The following KANK3 variants were observed in gnomAD, a reference collection of about 807,000 sequenced individuals.
The protein encoded by KANK3 is KN motif and ankyrin repeat domains 3, also known as KN motif and ankyrin repeat domain-containing protein 3.
In KANK3, 61 loss-of-function variants were observed where a neutral mutation model predicts 65.4. That is an observed-to-expected ratio of 0.93 (90% CI 0.76 to 1.15). The LOEUF (loss-of-function observed/expected upper bound fraction) is 1.15. KANK3 is among the 50% of genes most tolerant of loss of function. The pLI, the probability that KANK3 is intolerant of heterozygous loss-of-function variation, is 0.00. For missense variants in KANK3, 1,187 were observed against 1,178.8 expected, an observed-to-expected ratio of 1.01 and a Z score of -0.10; for synonymous variants, 586 against 543.3, an observed-to-expected ratio of 1.08 and a Z score of -1.09.
intron 1 of KANK3, among the ~76,000 whole-genome samples, chr19:8,339,582 A>G (rs1469421753): frequency 6.6e-6 from 1 of 151,620 alleles, no homozygotes; most frequent in Non-Finnish European, 1.5e-5. Context: ...CTGGTCTCGA[A>G]CTCCTGACCT....
Position 8,324,972 on chromosome 19 carries a change from A to G in KANK3, c.2061T>C (p.Asp687=), listed in dbSNP as rs1243638102. The change falls in exon 8 of 11, where the codon GAT becomes GAC. Residue 687 remains aspartate (D), a synonymous_variant. Transcript: ENST00000330915. ...AVVQRLFCMG[D]VNAKASQTGQ... ...GCACCTGACTGGCCTTGGCATTGAC[A>G]TCACCCATGCAGAAGAGTCTCTGGA... The G allele has an allele frequency of 1.9e-6, 3 of 1,613,784 alleles. No individual in the cohort carries two copies. In the Admixed American group the frequency reaches 5.0e-5, roughly 27 times the overall value.
intron 7 of KANK3, among the ~76,000 whole-genome samples, chr19:8,327,769 G>A (rs1970454733): frequency 6.6e-6 from 1 of 152,174 alleles, no homozygotes; most frequent in African/African-American, 2.4e-5. Flanking sequence ...GAACAAAGCT[G>A]TCTGTAAAAA....
At chr19:8,342,572 G>C (rs1001545156) in intron 1 of KANK3, among the ~76,000 whole-genome samples, 1 of 152,048 alleles carries the variant, frequency 6.6e-6, no homozygotes, top group Admixed American at 6.6e-5. Flanking sequence ...AGTGGTGGGG[G>C]CCACGGCAGG....
At chr19:8,338,941 G>A (rs1206674105) in intron 1 of KANK3, among the ~76,000 whole-genome samples, 2 of 147,726 alleles carry the variant, frequency 1.4e-5, no homozygotes, top group African/African-American at 5.0e-5. Context: ...GGTCAGTTGT[G>A]AAACTCTTGC....
Position 8,337,795 on chromosome 19 carries a change from C to A in KANK3, c.34G>T (p.Asp12Tyr), listed in dbSNP as rs1187304829. Residue 12 changes from aspartate to tyrosine, a missense_variant and splice_region_variant, in exon 2 of 11, where the codon GAC becomes TAC. Physicochemically the swap from Asp to Tyr is radical, Grantham distance 160 (BLOSUM62 -3). This residue lies in a region of KANK3 where 104 missense variants were observed against 122.1 expected (regional missense o/e 0.85). Transcript: ENST00000330915. ...CACATCTCTCTTTTTGCACACTCAC[C>A]GGGCAGGTTCTGATTCAGGGCAAAC... ...AKFALNQNLP[D>Y]LGGPRLCPVP... is the part of the protein sequence containing the mutation. 6.2e-7 allele frequency: 1 copy of A among 1,612,970 alleles called. No homozygotes were observed. Among genetic ancestry groups the A allele is most frequent in the Non-Finnish European group, 8.5e-7 (1 of 1,179,990 alleles).
At chr19:8,337,048 T>C (rs909996274) in intron 2 of KANK3, among the ~76,000 whole-genome samples, 4 of 151,518 alleles carry the variant, frequency 2.6e-5, no homozygotes, top group Non-Finnish European at 4.4e-5. Context: ...TTTTCTTTTT[T>C]TTGAGACGGA....
At chr19:8,331,536 T>G (rs1412279666) in intron 7 of KANK3, among the ~76,000 whole-genome samples, 3 of 152,116 alleles carry the variant, frequency 2.0e-5, no homozygotes, top group African/African-American at 7.2e-5. Flanking sequence ...ACTCAGAGGT[T>G]TCTGAACCTG....
Position 8,334,972 on chromosome 19 carries a change from C to T in KANK3, c.855G>A (p.Gln285=). The change falls in exon 3 of 11, where the codon CAG becomes CAA. Residue 285 remains glutamine, a synonymous_variant. Transcript: ENST00000330915. Reference sequence around the variant, plus strand: ...GACTCCCGACCTCCCCGTCGAGGACCTGGAGCGCGCCCTCGCTGCGCCCTG... The same window carrying T: ...GACTCCCGACCTCCCCGTCGAGGACTTGGAGCGCGCCCTCGCTGCGCCCTG... The part of the protein sequence containing the change: ...LAAGRSEGAL[Q]VLDGEVGSLD... 6.7e-7 allele frequency: 1 copy of T among 1,494,292 alleles called. No individual in the cohort carries two copies. The highest frequency in any genetic ancestry group is 8.8e-7 in the Non-Finnish European group (1 of 1,132,002). 92.6% of individuals were successfully genotyped at this position (1,494,292 alleles called of 1,614,324 possible).
chr19:8,326,152 C>G (rs901583266), intron 7 of KANK3, among the ~76,000 whole-genome samples: 1 of 152,004 alleles, frequency 6.6e-6, no homozygotes, highest in African/African-American at 2.4e-5. Context: ...AATTTGGTTG[C>G]CAGGACACTG....
chr19:8,323,226 C>T (rs1027295096), intron 10 of KANK3: 1 of 220,038 alleles, frequency 4.5e-6, no homozygotes, highest in African/African-American at 2.3e-5. Context: ...AACATCACAG[C>T]TTAGCATGGT....
At chr19:8,337,269 T>G (rs184722083) in intron 2 of KANK3, among the ~76,000 whole-genome samples, 3 of 137,928 alleles carry the variant, frequency 2.2e-5, no homozygotes, top group Admixed American at 1.6e-4. Flanking sequence ...AGTGGCACAA[T>G]CTCTGCTCAC....
intron 2 of KANK3, among the ~76,000 whole-genome samples, chr19:8,337,164 C>T (rs1186959965): frequency 6.0e-5 from 9 of 150,204 alleles, no homozygotes; most frequent in Non-Finnish European, 1.0e-4. Flanking sequence ...TCCTGAGTAG[C>T]TGGGACTACA....
At chr19:8,340,291 T>TATATATATATATATATACACACAC (rs1472181365) in intron 1 of KANK3, among the ~76,000 whole-genome samples, 13 of 92,866 alleles carry the variant, frequency 1.4e-4, no homozygotes, top group Non-Finnish European at 1.9e-4. Context: ...TATATATATA[T>TATATATATATATATATACACACAC]ACACACACAC....
chr19:8,331,650 G>T (rs1238988087), intron 7 of KANK3, among the ~76,000 whole-genome samples: 1 of 152,162 alleles, frequency 6.6e-6, no homozygotes, highest in Non-Finnish European at 1.5e-5. Context: ...CTGGAGGTGG[G>T]TGGGGCACAG....
chr19:8,340,648 T>G (rs550765649), intron 1 of KANK3, among the ~76,000 whole-genome samples: 9 of 152,114 alleles, frequency 5.9e-5, no homozygotes, highest in Non-Finnish European at 1.3e-4. Flanking sequence ...TGCCTGATGC[T>G]ATGAAGCACT....
chr19:8,334,480 G>A lies in KANK3; in HGVS notation c.1327+20C>T, dbSNP rs201328334. 821 of 1,608,258 alleles carry A rather than the reference G, an allele frequency of 5.1e-4. 7 individuals are homozygous for A. In the African/African-American group the frequency reaches 9.7e-3, roughly 19 times the overall value. On this transcript the variant is annotated intron_variant, in intron 3 of 10. Transcript: ENST00000330915. ...CCGGCGCCGAGTAAGCCAGGGCCCAGCGACGGGGTCGGGACTCACCCGCGG... is the reference window on the plus strand; with the variant it reads ...CCGGCGCCGAGTAAGCCAGGGCCCAACGACGGGGTCGGGACTCACCCGCGG...
At chr19:8,327,458 C>T (rs11882029) in intron 7 of KANK3, among the ~76,000 whole-genome samples, 21,669 of 152,000 alleles carry the variant, frequency 0.14, 1,746 homozygotes, top group Middle Eastern at 0.22. Context: ...GGTGAAACAC[C>T]GTCTCTACCA....
chr19:8,328,912 G>A (rs1970475456), intron 7 of KANK3, among the ~76,000 whole-genome samples: 1 of 152,050 alleles, frequency 6.6e-6, no homozygotes, highest in African/African-American at 2.4e-5. Flanking sequence ...GCTCACGCCT[G>A]TAGTCCCAGC....
chr19:8,337,053 GA>G lies in KANK3; in HGVS notation c.34+741del, dbSNP rs1167345813. Among the ~76,000 whole-genome samples the G allele has an allele frequency of 2.7e-5, 4 of 150,598 alleles. No individual in the cohort carries two copies. In the East Asian group the frequency reaches 5.9e-4, roughly 22 times the overall value. On this transcript the variant is annotated intron_variant, in intron 2 of 10. Transcript: ENST00000330915. ...TGTTTTGTTTTTTTCTTTTTTTTGAGACGGAGTCTTGCTCTGTTGCCCAGAC... is the reference window on the plus strand; with the variant it reads ...TGTTTTGTTTTTTTCTTTTTTTTGAGCGGAGTCTTGCTCTGTTGCCCAGAC...
Sources: gnomAD v4.1 joint callset for allele counts (sites outside exome capture counted in the v4.1 genomes callset) on GRCh38, gnomAD v4.1.1 for gene constraint, gnomAD v4.1.1 regional missense constraint, MANE v1.5 for transcripts, NCBI Gene and HGNC (gene_info 2026-07-23, HGNC 2026-07-21) for gene names.